MACROD2: variants seen among roughly 807,000 people sequenced by gnomAD.
The protein encoded by MACROD2 is mono-ADP ribosylhydrolase 2.
MACROD2 carries 36 observed loss-of-function variants against 70.4 expected under a neutral mutation model. That is an observed-to-expected ratio of 0.51 (90% CI 0.39 to 0.68). MACROD2 has a LOEUF of 0.68. MACROD2 is among the 30% of genes least tolerant of loss of function. MACROD2 has a pLI of 0.00. For missense variants in MACROD2, 496 were observed against 538.4 expected (o/e 0.92, Z 0.78); for synonymous variants, 172 against 178.8 (o/e 0.96, Z 0.30).
chr20:15,776,369 G>T (rs1003599086), intron 8 of MACROD2, among the ~76,000 whole-genome samples: 10 of 152,116 alleles, frequency 6.6e-5, no homozygotes, highest in Non-Finnish European at 1.5e-4. Context: ...ATTCTCCAGA[G>T]TGATGGACTG....
chr20:14,793,961 A>C (rs2072481208), intron 5 of MACROD2, among the ~76,000 whole-genome samples: 1 of 152,096 alleles, frequency 6.6e-6, no homozygotes, highest in Non-Finnish European at 1.5e-5. Context: ...GTTTCATACC[A>C]GTGTCCTATG....
chr20:14,797,138 C>A (rs530683704), intron 5 of MACROD2, among the ~76,000 whole-genome samples: 1 of 152,168 alleles, frequency 6.6e-6, no homozygotes, highest in East Asian at 1.9e-4. Context: ...TCTCTGTATT[C>A]ATTGACTTGA....
At chr20:15,437,035 C>G (rs1953300709) in intron 7 of MACROD2, among the ~76,000 whole-genome samples, 1 of 152,122 alleles carries the variant, frequency 6.6e-6, no homozygotes, top group South Asian at 2.1e-4. Flanking sequence ...TGGGCACTTT[C>G]TATATCTCCA....
At chr20:15,596,673 G>A (rs550781344) in intron 8 of MACROD2, among the ~76,000 whole-genome samples, 1 of 152,322 alleles carries the variant, frequency 6.6e-6, no homozygotes, top group East Asian at 1.9e-4. Flanking sequence ...CCAAAGAAGG[G>A]CTTTTAAGTG....
intron 5 of MACROD2, among the ~76,000 whole-genome samples, chr20:15,038,899 A>G (rs768834237): frequency 2.0e-5 from 3 of 152,222 alleles, no homozygotes; most frequent in Non-Finnish European, 2.9e-5. Context: ...TTAGTCACAC[A>G]AATATACCGG....
intron 4 of MACROD2, among the ~76,000 whole-genome samples, chr20:14,537,094 A>G (rs954957559): frequency 1.3e-5 from 2 of 152,112 alleles, no homozygotes; most frequent in Non-Finnish European, 2.9e-5. Context: ...GTTCACTCTC[A>G]TTCTACCCTG....
intron 3 of MACROD2, among the ~76,000 whole-genome samples, chr20:14,249,752 C>T (rs2081995606): frequency 6.6e-6 from 1 of 151,972 alleles, no homozygotes. Flanking sequence ...TGATTTTGAG[C>T]TATAGTATGG....
chr20:15,063,590 A>G (rs2075551244), intron 5 of MACROD2, among the ~76,000 whole-genome samples: 1 of 152,218 alleles, frequency 6.6e-6, no homozygotes. Context: ...GCCAGTTTGT[A>G]TACACATTCA....
At chr20:15,856,979 C>T (rs1189089625) in intron 8 of MACROD2, among the ~76,000 whole-genome samples, 1 of 152,158 alleles carries the variant, frequency 6.6e-6, no homozygotes, top group African/African-American at 2.4e-5. Context: ...TAACAAAGAA[C>T]ATTGTTATTC....
At chr20:15,677,211 C>T (rs992518322) in intron 8 of MACROD2, among the ~76,000 whole-genome samples, 2 of 152,102 alleles carry the variant, frequency 1.3e-5, no homozygotes, top group Non-Finnish European at 2.9e-5. Context: ...TTGTAGTAAT[C>T]TCTTTGTAAA....
chr20:15,076,821 G>A (rs896034563), intron 5 of MACROD2, among the ~76,000 whole-genome samples: 1 of 151,948 alleles, frequency 6.6e-6, no homozygotes, highest in Non-Finnish European at 1.5e-5. Flanking sequence ...ACTTTCATAC[G>A]TAGAACTCCA....
intron 3 of MACROD2, among the ~76,000 whole-genome samples, chr20:14,419,982 A>C (rs1349979022): frequency 1.3e-5 from 2 of 152,062 alleles, no homozygotes; most frequent in Non-Finnish European, 2.9e-5. Context: ...TGCTATTAGA[A>C]ATAATGTTAT....
At chr20:15,251,526 A>G (rs967876051) in intron 6 of MACROD2, among the ~76,000 whole-genome samples, 4 of 152,210 alleles carry the variant, frequency 2.6e-5, no homozygotes, top group Non-Finnish European at 5.9e-5. Context: ...TTAATGAAGG[A>G]CTTGGGTGTA....
chr20:16,044,468 T>A, intron 16 of MACROD2, 103 bp from the exon 17 acceptor site: 1 of 953,836 alleles, frequency 1.0e-6, no homozygotes, highest in African/African-American at 1.7e-5. Flanking sequence ...AAAAGAGGCA[T>A]CAAATAGGAA....
At chr20:15,341,579 GA>G (rs769194666) in intron 6 of MACROD2, among the ~76,000 whole-genome samples, 23 of 152,156 alleles carry the variant, frequency 1.5e-4, no homozygotes, top group Non-Finnish European at 3.1e-4. Flanking sequence ...ATATGTTAAG[GA>G]AAATGTTGGC....
chr20:14,375,183 CTA>C (rs2122758029), intron 3 of MACROD2, among the ~76,000 whole-genome samples: 1 of 151,956 alleles, frequency 6.6e-6, no homozygotes, highest in South Asian at 2.1e-4. Context: ...AAAAAATACT[CTA>C]TAGATAAATT....
At chr20:14,981,130 G>GA (rs1228846689) in intron 5 of MACROD2, among the ~76,000 whole-genome samples, 4 of 151,344 alleles carry the variant, frequency 2.6e-5, no homozygotes, top group African/African-American at 9.7e-5. Context: ...TAGCTTTTAG[G>GA]AAAAAAACAA....
chr20:14,604,785 T>G (rs1982701441), intron 4 of MACROD2, among the ~76,000 whole-genome samples: 1 of 152,198 alleles, frequency 6.6e-6, no homozygotes, highest in Non-Finnish European at 1.5e-5. Context: ...GCAAATGGCA[T>G]CTTTGGTTGT....
At chr20:16,017,290 G>A (rs1277101506) in intron 15 of MACROD2, among the ~76,000 whole-genome samples, 1 of 151,782 alleles carries the variant, frequency 6.6e-6, no homozygotes, top group Admixed American at 6.6e-5. Flanking sequence ...TCAAATATAA[G>A]CACATTGGCT....
Sources: gnomAD v4.1 joint callset for allele counts (sites outside exome capture counted in the v4.1 genomes callset) on GRCh38, gnomAD v4.1.1 for gene constraint, MANE v1.5 for transcripts, NCBI Gene and HGNC (gene_info 2026-07-23, HGNC 2026-07-21) for gene names.